Variants in GALNT13 observed in about 807,000 individuals in gnomAD.
GALNT13 encodes the protein polypeptide N-acetylgalactosaminyltransferase 13.
Under a neutral mutation model 64.2 loss-of-function variants are expected in GALNT13, and 28 were observed. That is an observed-to-expected ratio of 0.44 (90% CI 0.32 to 0.60). The LOEUF (loss-of-function observed/expected upper bound fraction) is 0.60, where lower values mean the gene tolerates loss of function less well. Among genes scored for constraint, GALNT13 ranks in the 20% least tolerant of loss-of-function variants. GALNT13 has a pLI of 0.05. For missense variants in GALNT13, 577 were observed against 669.8 expected, an observed-to-expected ratio of 0.86 and a Z score of 1.53; for synonymous variants, 214 against 224.6, an observed-to-expected ratio of 0.95 and a Z score of 0.42.
the GALNT13 span, among the ~76,000 whole-genome samples, chr2:153,359,724 A>C: frequency 1.1e-4 from 16 of 151,682 alleles, no homozygotes; most frequent in African/African-American, 3.9e-4. Context: ...TTAGAATAAA[A>C]CTCAGATATG....
rs1701869610 is a variant in GALNT13, at chr2:154,451,502, A to G, written c.*951A>G. On this transcript the variant is annotated 3_prime_UTR_variant, in exon 13 of 13. Coordinates refer to ENST00000392825, the MANE Select transcript of GALNT13 (RefSeq NM_052917.4). ...TGCACTTAAAGATTTTAGTTAGGTT[A>G]CCACTGTCATTTTCATTTTCTATGT... 1 of 152,090 alleles carries G rather than the reference A, an allele frequency of 6.6e-6. No individual in the cohort carries two copies. The highest frequency in any genetic ancestry group is 1.5e-5 in the Non-Finnish European group (1 of 68,012). The allele number at this position is 152,090 out of a possible 1,614,324, so 9.4% of individuals were successfully genotyped here.
At chr2:153,270,028 G>C in the GALNT13 span, among the ~76,000 whole-genome samples, 1 of 152,238 alleles carries the variant, frequency 6.6e-6, no homozygotes, top group Non-Finnish European at 1.5e-5. Flanking sequence ...CTTATAAAAA[G>C]ACTTAATCTA....
At chr2:153,643,083 GA>G in the GALNT13 span, among the ~76,000 whole-genome samples, 5 of 151,030 alleles carry the variant, frequency 3.3e-5, no homozygotes, top group Non-Finnish European at 7.4e-5. Context: ...TTTTATAGTA[GA>G]AAAATAGTTA....
At chr2:154,076,355 T>A (rs1700987670) in intron 3 of GALNT13, among the ~76,000 whole-genome samples, 1 of 151,778 alleles carries the variant, frequency 6.6e-6, no homozygotes, top group Admixed American at 6.6e-5. Flanking sequence ...GCAGTCATGA[T>A]ATCAATGAGC....
intron 3 of GALNT13, among the ~76,000 whole-genome samples, chr2:153,961,321 C>CA (rs1258618025): frequency 2.0e-5 from 3 of 151,996 alleles, no homozygotes; most frequent in African/African-American, 4.8e-5. Flanking sequence ...AAATTAAGAC[C>CA]AAAAAATCAA....
At chr2:153,221,454 A>G in the GALNT13 span, among the ~76,000 whole-genome samples, 5 of 152,222 alleles carry the variant, frequency 3.3e-5, no homozygotes, top group Non-Finnish European at 7.3e-5. Flanking sequence ...GCTTAATTCT[A>G]GACAAAACAG....
chr2:154,152,200 G>T (rs886524423), intron 4 of GALNT13, among the ~76,000 whole-genome samples: 3 of 152,116 alleles, frequency 2.0e-5, no homozygotes, highest in African/African-American at 7.2e-5. Flanking sequence ...AGCTTAGTTT[G>T]GCTGGATATG....
intron 8 of GALNT13, among the ~76,000 whole-genome samples, chr2:154,280,396 T>C (rs985497794): frequency 6.6e-6 from 1 of 152,182 alleles, no homozygotes; most frequent in Admixed American, 6.5e-5. Flanking sequence ...ATTTGCTGAA[T>C]ATATGCCAGC....
the GALNT13 span, among the ~76,000 whole-genome samples, chr2:153,094,829 A>G: frequency 9.2e-5 from 14 of 152,328 alleles, no homozygotes; most frequent in East Asian, 2.3e-3. Context: ...AAAACTGCCT[A>G]GCCATATGTA....
chr2:153,129,231 C>T, the GALNT13 span, among the ~76,000 whole-genome samples: 49 of 152,152 alleles, frequency 3.2e-4, 1 homozygote, highest in Non-Finnish European at 4.9e-4. Context: ...TGGTCTTGCT[C>T]GAGGGTTTCA....
intron 1 of GALNT13, among the ~76,000 whole-genome samples, chr2:153,900,104 T>A (rs1158625576): frequency 1.3e-5 from 2 of 151,752 alleles, no homozygotes; most frequent in African/African-American, 4.8e-5. Flanking sequence ...CCTGGCTAAT[T>A]TTTGTATTTT....
chr2:154,391,382 C>T (rs1698784464), intron 9 of GALNT13, among the ~76,000 whole-genome samples: 1 of 152,182 alleles, frequency 6.6e-6, no homozygotes, highest in Admixed American at 6.5e-5. Flanking sequence ...TGAGCAAAAG[C>T]AGGATCCCTT....
the GALNT13 span, among the ~76,000 whole-genome samples, chr2:153,604,970 G>A: frequency 6.6e-6 from 1 of 151,866 alleles, no homozygotes; most frequent in African/African-American, 2.4e-5. Context: ...GCCCAGGGAA[G>A]GTAAATGACT....
chr2:154,441,514 C>T (rs373360427), intron 12 of GALNT13, among the ~76,000 whole-genome samples: 1 of 152,080 alleles, frequency 6.6e-6, no homozygotes, highest in African/African-American at 2.4e-5. Context: ...AAAGTTCTCT[C>T]CTTTAAGCCT....
chr2:153,420,150 A>G, the GALNT13 span, among the ~76,000 whole-genome samples: 1 of 152,220 alleles, frequency 6.6e-6, no homozygotes, highest in Admixed American at 6.5e-5. Flanking sequence ...CTGCATATAC[A>G]TTTAGTACAT....
At chr2:153,072,265 A>C in the GALNT13 span, among the ~76,000 whole-genome samples, 1 of 152,180 alleles carries the variant, frequency 6.6e-6, no homozygotes, top group Admixed American at 6.5e-5. Flanking sequence ...ACCGCTAAGC[A>C]GTGTGGGACC....
At chr2:153,753,111 T>A in the GALNT13 span, among the ~76,000 whole-genome samples, 1 of 152,148 alleles carries the variant, frequency 6.6e-6, no homozygotes, top group African/African-American at 2.4e-5. Flanking sequence ...ATTATTTCAA[T>A]CTCCTCCTTA....
chr2:153,654,274 T>C, the GALNT13 span, among the ~76,000 whole-genome samples: 5 of 152,158 alleles, frequency 3.3e-5, no homozygotes, highest in Non-Finnish European at 7.4e-5. Context: ...AATAGTCTTA[T>C]AAGACATACT....
In GALNT13 at chr2:154,189,736, C is replaced by T. The variant is rs116316825; in HGVS notation, c.311+49231C>T. Among the ~76,000 whole-genome samples the T allele has an allele frequency of 5.3e-3, 799 of 151,406 alleles. 14 individuals carry two copies. Among genetic ancestry groups the T allele is most frequent in the Non-Finnish European group, 9.2e-3 (627 of 67,928 alleles). On this transcript the variant is annotated intron_variant, in intron 4 of 12. Transcript: ENST00000392825. ...ATAACAGTGTTGTCAGCTTCCATCC[C>T]AATAAATATGTCACTAACCACATTT...
Sources: gnomAD v4.1 joint callset for allele counts (sites outside exome capture counted in the v4.1 genomes callset) on GRCh38, gnomAD v4.1.1 for gene constraint, MANE v1.5 for transcripts, NCBI Gene and HGNC (gene_info 2026-07-23, HGNC 2026-07-21) for gene names.